The following HFM1 variants were observed in gnomAD, a reference collection of about 807,000 sequenced individuals.
The protein encoded by HFM1 is helicase for meiosis 1, also known as probable ATP-dependent DNA helicase HFM1.
Under a neutral mutation model 192.1 loss-of-function variants are expected in HFM1, and 169 were observed. The ratio of observed to expected loss-of-function variants is 0.88; its 90% CI spans 0.78 to 1.00. The LOEUF is 1.00. Among genes scored for constraint, HFM1 ranks in the 50% least tolerant of loss-of-function variants. The probability of loss-of-function intolerance (pLI) is 0.00; values close to 1 mark genes in which losing one functional copy is unlikely to be tolerated. For missense variants in HFM1, 1,661 were observed against 1,668.0 expected, an observed-to-expected ratio of 1.00 and a Z score of 0.07; for synonymous variants, 525 against 537.8, an observed-to-expected ratio of 0.98 and a Z score of 0.33.
chr1:91,271,950 AT>A (rs1166128786), intron 34 of HFM1, among the ~76,000 whole-genome samples: 2 of 152,152 alleles, frequency 1.3e-5, no homozygotes, highest in African/African-American at 4.8e-5. Context: ...AAAATGAGAA[AT>A]TGCATAAAGG....
intron 30 of HFM1, among the ~76,000 whole-genome samples, chr1:91,283,831 A>G (rs1044879855): frequency 6.6e-6 from 1 of 152,212 alleles, no homozygotes; most frequent in Non-Finnish European, 1.5e-5. Flanking sequence ...AATAAAAAAT[A>G]GCAAGAATCT....
chr1:91,320,357 G>C (rs1651908004), intron 23 of HFM1, among the ~76,000 whole-genome samples: 1 of 152,106 alleles, frequency 6.6e-6, no homozygotes, highest in South Asian at 2.1e-4. Context: ...TTTGGCTATG[G>C]TATATGCTTC....
rs1484404751 is a variant in HFM1 at position 91,328,689 on chromosome 1, G to C, written c.2336-3923C>G. The C allele has an allele frequency of 3.1e-6, 5 of 1,601,208 alleles. No homozygotes were observed. The African/African-American group carries it at 4.0e-5, about 13-fold the overall frequency. ...GCGAGCTGGCCAAATGCAGTGAACT[G>C]CGGGGCTGAGGCAGAGAAGCAGCTA... is the stretch of plus-strand genomic sequence containing the variant. On this transcript the variant is annotated intron_variant, in intron 20 of 38. Transcript: ENST00000370425.
chr1:91,328,744 G>C, intron 20 of HFM1: 1 of 1,610,438 alleles, frequency 6.2e-7, no homozygotes, highest in Non-Finnish European at 8.5e-7. Flanking sequence ...GGGCCGAGCA[G>C]GTGGTGGAAA....
chr1:91,273,555 C>T (rs540722992), intron 34 of HFM1, among the ~76,000 whole-genome samples, 157 bp downstream of exon 34: 1 of 151,626 alleles, frequency 6.6e-6, no homozygotes, highest in African/African-American at 2.4e-5. Flanking sequence ...AATAACAGAC[C>T]CAAGAATTTG....
chr1:91,369,450 C>A (rs2101905730), intron 13 of HFM1, among the ~76,000 whole-genome samples: 1 of 152,302 alleles, frequency 6.6e-6, no homozygotes, highest in Non-Finnish European at 1.5e-5. Flanking sequence ...GAAACTCACT[C>A]AAAACCGCTC....
chr1:91,270,745 T>C, intron 34 of HFM1, among the ~76,000 whole-genome samples: 1 of 152,034 alleles, frequency 6.6e-6, no homozygotes, highest in South Asian at 2.1e-4. Flanking sequence ...GTCAAAGAGA[T>C]TAACAGTTGA....
In HFM1 at chr1:91,328,440, G is replaced by A. The variant is rs1373136259; in HGVS notation, c.2336-3674C>T. Reference sequence around the variant, plus strand: ...ATGTGGCCCCCAGTGCCACCCGGGAGAATGACATCAAGAGCTACTTTGGCC... The same window carrying A: ...ATGTGGCCCCCAGTGCCACCCGGGAAAATGACATCAAGAGCTACTTTGGCC... On this transcript the variant is annotated intron_variant, in intron 20 of 38. Transcript: ENST00000370425. The A allele has an allele frequency of 4.3e-6, 7 of 1,611,396 alleles. No individual in the cohort carries two copies. The East Asian group carries it at 1.1e-4, about 26-fold the overall frequency.
intron 23 of HFM1, among the ~76,000 whole-genome samples, chr1:91,321,693 T>G (rs766740069): frequency 6.6e-6 from 1 of 152,284 alleles, no homozygotes; most frequent in East Asian, 1.9e-4. Context: ...TTCTTGGTTA[T>G]GCTTAAATAA....
At chr1:91,333,473 G>T (rs921732449) in intron 20 of HFM1, among the ~76,000 whole-genome samples, 1 of 151,948 alleles carries the variant, frequency 6.6e-6, no homozygotes, top group Non-Finnish European at 1.5e-5. Context: ...TGGGAGGGTG[G>T]AGGGGAGTTT....
intron 13 of HFM1, among the ~76,000 whole-genome samples, chr1:91,371,837 A>C (rs1362607355): frequency 2.0e-5 from 3 of 152,228 alleles, no homozygotes; most frequent in African/African-American, 7.2e-5. Context: ...CCATCTACTC[A>C]TCTGACAAAG....
At chr1:91,279,434 A>C (rs1667265471) in intron 30 of HFM1, among the ~76,000 whole-genome samples, 1 of 152,108 alleles carries the variant, frequency 6.6e-6, no homozygotes, top group Non-Finnish European at 1.5e-5. Context: ...TCCATGATAC[A>C]ATTTATTCTA....
intron 20 of HFM1, among the ~76,000 whole-genome samples, chr1:91,336,408 TC>T (rs1208871074): frequency 6.7e-6 from 1 of 148,856 alleles, no homozygotes; most frequent in Non-Finnish European, 1.5e-5. Flanking sequence ...CCTCCTTACC[TC>T]CATCCCTTCT....
At chr1:91,337,048 T>C (rs1332335050) in intron 20 of HFM1, among the ~76,000 whole-genome samples, 2 of 152,016 alleles carry the variant, frequency 1.3e-5, no homozygotes, top group East Asian at 1.9e-4. Context: ...CGTGGACGCG[T>C]TGTGGGGAAC....
chr1:91,376,015 C>T (rs374418275), intron 11 of HFM1, among the ~76,000 whole-genome samples: 1 of 106,120 alleles, frequency 9.4e-6, no homozygotes, highest in Non-Finnish European at 2.0e-5. Flanking sequence ...GAAAAATTAT[C>T]AATTTTGTCA....
chr1:91,302,511 T>C (rs1313671800), intron 30 of HFM1, among the ~76,000 whole-genome samples: 1 of 152,078 alleles, frequency 6.6e-6, no homozygotes, highest in Non-Finnish European at 1.5e-5. Context: ...CTATTCACAA[T>C]AGCAAAGACT....
intron 30 of HFM1, among the ~76,000 whole-genome samples, chr1:91,311,082 A>G (rs1393301178): frequency 1.3e-5 from 2 of 152,176 alleles, no homozygotes; most frequent in South Asian, 2.1e-4. Context: ...CTTTGCCCAA[A>G]ATGCTGATAG....
At position 91,273,741 on chromosome 1, in the gene HFM1, C is replaced by G. The variant is rs202193070; in HGVS notation, c.3743G>C (p.Arg1248Thr). ...GTCTTGATATTCAGATGGTTCTTGT[C>G]TAACTTTTCCATAGATTTCAGGCTG... ...WDQPEIYGKV[R>T]QEPSEYQDKE... Residue 1248 changes from arginine (R) to threonine (T), a missense_variant, in exon 34 of 39, where the codon AGA (arginine) becomes ACA (threonine). Arg to Thr is a moderately conservative substitution (Grantham distance 71). Coordinates refer to ENST00000370425, the MANE Select transcript of HFM1 (RefSeq NM_001017975.6). 8.1e-6 allele frequency: 13 copies of G among 1,595,356 alleles called. No homozygotes were observed. The highest frequency in any genetic ancestry group is 1.1e-5 in the Non-Finnish European group (13 of 1,164,322).
chr1:91,394,887 T>G (rs766048437), intron 3 of HFM1, among the ~76,000 whole-genome samples: 4 of 152,092 alleles, frequency 2.6e-5, no homozygotes, highest in Non-Finnish European at 5.9e-5. Flanking sequence ...TGACAGAAGT[T>G]TAAAGGTTTC....
Sources: allele counts gnomAD v4.1 joint callset (sites outside exome capture counted in the v4.1 genomes callset), GRCh38; gene constraint gnomAD v4.1.1; transcripts MANE v1.5; gene names NCBI Gene and HGNC (gene_info 2026-07-23, HGNC 2026-07-21).